The following RXFP1 variants were observed in gnomAD, a reference collection of about 807,000 sequenced individuals.
RXFP1 encodes the protein relaxin family peptide receptor 1.
RXFP1 carries 73 observed loss-of-function variants against 89.8 expected under a neutral mutation model. The ratio of observed to expected loss-of-function variants is 0.81; its 90% CI spans 0.67 to 0.99. The LOEUF is 0.99. RXFP1 is among the 50% of genes least tolerant of loss of function. The pLI, the probability that RXFP1 is intolerant of heterozygous loss-of-function variation, is 0.00. For synonymous variants in RXFP1, 277 were observed against 305.5 expected (o/e 0.91, Z 0.97); for missense variants, 793 against 895.5 (o/e 0.89, Z 1.46).
intron 2 of RXFP1, among the ~76,000 whole-genome samples, chr4:158,579,112 C>T (rs142684071): frequency 6.6e-6 from 1 of 150,996 alleles, no homozygotes; most frequent in Non-Finnish European, 1.5e-5. Flanking sequence ...GAGACTGGAG[C>T]GATGCTGCCA....
At chr4:158,533,763 T>C (rs1430525720) in intron 1 of RXFP1, among the ~76,000 whole-genome samples, 2 of 152,226 alleles carry the variant, frequency 1.3e-5, no homozygotes, top group African/African-American at 2.4e-5. Context: ...TCTATTTTTC[T>C]ATTCTGTTGC....
chr4:158,578,658 C>A (rs1374496724), intron 2 of RXFP1, among the ~76,000 whole-genome samples: 1 of 152,098 alleles, frequency 6.6e-6, no homozygotes, highest in Non-Finnish European at 1.5e-5. Flanking sequence ...GAAGGCTGTG[C>A]TAAATAAGGG....
intron 8 of RXFP1, 90 bp from the exon 9 acceptor site, chr4:158,617,041 G>C (rs925545583): frequency 5.8e-6 from 5 of 863,818 alleles, no homozygotes; most frequent in African/African-American, 1.8e-5. Context: ...TGGATTTGTG[G>C]GTTTCATAAG....
intron 3 of RXFP1, among the ~76,000 whole-genome samples, chr4:158,598,669 A>C (rs1372670791): frequency 6.6e-6 from 1 of 152,110 alleles, no homozygotes. Flanking sequence ...AAGGTCATAC[A>C]CCTCATTCTC....
intron 15 of RXFP1, chr4:158,646,322 A>T (rs1357714419): frequency 6.4e-6 from 3 of 470,636 alleles, no homozygotes; most frequent in Admixed American, 2.4e-5. Context: ...TTCAGTCATT[A>T]TTCTATCATA....
At chr4:158,618,926 T>C (rs758860441) in intron 9 of RXFP1, among the ~76,000 whole-genome samples, 3 of 152,080 alleles carry the variant, frequency 2.0e-5, no homozygotes, top group Non-Finnish European at 2.9e-5. Context: ...GAACTAAAAG[T>C]CAAGAATAAA....
intron 9 of RXFP1, among the ~76,000 whole-genome samples, chr4:158,625,641 G>C (rs1766555779): frequency 6.6e-6 from 1 of 152,040 alleles, no homozygotes. Flanking sequence ...AGATATATTT[G>C]ATTTGTCAGC....
At chr4:158,617,284 TTTAG>T (rs1194488980) in intron 9 of RXFP1, 79 bp downstream of exon 9, 1 of 1,089,976 alleles carries the variant, frequency 9.2e-7, no homozygotes, top group Non-Finnish European at 1.4e-6. Context: ...ATAAGATTGT[TTTAG>T]TTTTTCTTAA....
chr4:158,597,798 A>G (rs1180029055), intron 3 of RXFP1, among the ~76,000 whole-genome samples: 1 of 151,994 alleles, frequency 6.6e-6, no homozygotes, highest in Non-Finnish European at 1.5e-5. Context: ...TTCCTTCCCA[A>G]CCTTTTCCAT....
Position 158,646,237 on chromosome 4 carries a change from T to C in RXFP1, c.1346-554T>C, listed in dbSNP as rs1212157402. 1.0e-5 allele frequency: 4 copies of C among 395,858 alleles called. No homozygotes were observed. In the East Asian group the frequency reaches 3.2e-4, roughly 31 times the overall value. The allele number at this position is 395,858 out of a possible 1,614,324, so 24.5% of individuals were successfully genotyped here. On this transcript the variant is annotated intron_variant, in intron 15 of 17. Coordinates refer to ENST00000307765, the MANE Select transcript of RXFP1 (RefSeq NM_021634.4). ...GCTTAGACCAACTCTGGTAAGTAAT[T>C]TAAGCCCCTTAAAATTGTACTGACT...
intron 2 of RXFP1, among the ~76,000 whole-genome samples, chr4:158,588,543 G>A (rs189234954): frequency 2.3e-3 from 351 of 152,298 alleles, no homozygotes; most frequent in African/African-American, 8.1e-3. Context: ...AAGGCTGGTA[G>A]TACCTGAAAT....
chr4:158,571,755 T>C (rs1579719316), intron 1 of RXFP1, among the ~76,000 whole-genome samples: 1 of 11,414 alleles, frequency 8.8e-5, no homozygotes, highest in Non-Finnish European at 5.4e-3. Context: ...ATTTCTTTTC[T>C]AACAGAAGCA....
At chr4:158,527,509 C>G (rs1742823886) in intron 1 of RXFP1, among the ~76,000 whole-genome samples, 1 of 143,106 alleles carries the variant, frequency 7.0e-6, no homozygotes, top group Non-Finnish European at 1.5e-5. Flanking sequence ...TGCCACTGCA[C>G]TCCAGACTAG....
At chr4:158,533,231 A>C (rs1367192649) in intron 1 of RXFP1, among the ~76,000 whole-genome samples, 2 of 152,136 alleles carry the variant, frequency 1.3e-5, no homozygotes, top group African/African-American at 2.4e-5. Flanking sequence ...GAAAGCCATG[A>C]CTCTAAAGCT....
At chr4:158,605,530 T>C (rs1283044421) in intron 5 of RXFP1, among the ~76,000 whole-genome samples, 2 of 152,238 alleles carry the variant, frequency 1.3e-5, no homozygotes, top group Non-Finnish European at 2.9e-5. Flanking sequence ...AAGAATTTTC[T>C]TCCATGTGTT....
chr4:158,527,350 C>G (rs569343482), intron 1 of RXFP1, among the ~76,000 whole-genome samples: 114 of 151,694 alleles, frequency 7.5e-4, no homozygotes, highest in Non-Finnish European at 1.5e-3. Context: ...CAAGACCAGC[C>G]TGGCCAACAT....
intron 1 of RXFP1, among the ~76,000 whole-genome samples, chr4:158,537,583 T>A (rs1745574837): frequency 6.6e-6 from 1 of 152,310 alleles, no homozygotes; most frequent in South Asian, 2.1e-4. Flanking sequence ...GACACCATTA[T>A]CTTAAAATAC....
intron 12 of RXFP1, among the ~76,000 whole-genome samples, chr4:158,637,379 C>G (rs1182883756): frequency 2.0e-5 from 3 of 152,074 alleles, no homozygotes; most frequent in Non-Finnish European, 2.9e-5. Context: ...AAGGGGCAAC[C>G]TTTTCTTCAA....
intron 1 of RXFP1, among the ~76,000 whole-genome samples, chr4:158,542,298 G>A (rs191611734): frequency 6.2e-4 from 94 of 151,242 alleles, no homozygotes; most frequent in Non-Finnish European, 1.2e-3. Flanking sequence ...TTCAGCGGCC[G>A]CAGCTGTATA....
Sources: gnomAD v4.1 joint callset for allele counts (sites outside exome capture counted in the v4.1 genomes callset) on GRCh38, gnomAD v4.1.1 for gene constraint, MANE v1.5 for transcripts, NCBI Gene and HGNC (gene_info 2026-07-23, HGNC 2026-07-21) for gene names.